The following CNTNAP2 variants were observed in gnomAD, a reference collection of about 807,000 sequenced individuals.
CNTNAP2 encodes contactin associated protein 2, also known as contactin-associated protein-like 2.
Under a neutral mutation model 155.2 loss-of-function variants are expected in CNTNAP2, and 98 were observed. That is an observed-to-expected ratio of 0.63 (90% CI 0.54 to 0.75). CNTNAP2 has a LOEUF of 0.75. Among genes scored for constraint, CNTNAP2 ranks in the 30% least tolerant of loss-of-function variants. The pLI is 0.00. For missense variants in CNTNAP2, 1,727 were observed against 1,688.1 expected, an observed-to-expected ratio of 1.02 and a Z score of -0.40; for synonymous variants, 651 against 631.2, an observed-to-expected ratio of 1.03 and a Z score of -0.47.
At chr7:147,209,087 C>G (rs1441967574) in intron 8 of CNTNAP2, among the ~76,000 whole-genome samples, 1 of 151,842 alleles carries the variant, frequency 6.6e-6, no homozygotes, top group East Asian at 1.9e-4. Context: ...TTATGGTTCC[C>G]TATTAATTTT....
intron 3 of CNTNAP2, among the ~76,000 whole-genome samples, chr7:146,993,640 G>A (rs1185933738): frequency 6.6e-6 from 1 of 152,088 alleles, no homozygotes; most frequent in African/African-American, 2.4e-5. Flanking sequence ...CCCCGCTCAA[G>A]CCTTGTTACT....
chr7:148,300,714 C>T (rs775908573), intron 21 of CNTNAP2, among the ~76,000 whole-genome samples: 1 of 152,040 alleles, frequency 6.6e-6, no homozygotes. Flanking sequence ...GTGGTCTATA[C>T]GTACAACATG....
intron 3 of CNTNAP2, among the ~76,000 whole-genome samples, chr7:146,944,673 T>G (rs1277422130): frequency 1.3e-5 from 2 of 152,056 alleles, no homozygotes; most frequent in African/African-American, 2.4e-5. Flanking sequence ...GGTCATGAGA[T>G]GGAGACCATC....
intron 21 of CNTNAP2, among the ~76,000 whole-genome samples, chr7:148,379,470 G>A (rs1048890899): frequency 5.9e-5 from 9 of 152,270 alleles, no homozygotes; most frequent in African/African-American, 1.2e-4. Context: ...CTGGGAGGCC[G>A]AGGTGGGTGG....
chr7:147,167,481 C>T, intron 8 of CNTNAP2: 2 of 988,902 alleles, frequency 2.0e-6, no homozygotes, highest in Non-Finnish European at 3.1e-6. Context: ...CCCTGCCCCA[C>T]TGGAGGTTGC....
intron 6 of CNTNAP2, among the ~76,000 whole-genome samples, chr7:147,125,521 A>G (rs1225240508): frequency 1.3e-5 from 2 of 152,150 alleles, no homozygotes; most frequent in Non-Finnish European, 1.5e-5. Flanking sequence ...GAGCAGCAAA[A>G]TGGTGTTTGG....
intron 21 of CNTNAP2, among the ~76,000 whole-genome samples, chr7:148,357,118 T>C (rs1294803024): frequency 6.6e-6 from 1 of 152,132 alleles, no homozygotes; most frequent in Non-Finnish European, 1.5e-5. Context: ...GCTCCCATAA[T>C]TCCCACATGT....
chr7:147,478,192 G>T (rs1217637154), intron 10 of CNTNAP2, among the ~76,000 whole-genome samples: 1 of 151,356 alleles, frequency 6.6e-6, no homozygotes, highest in East Asian at 1.9e-4. Flanking sequence ...TCGCTCTGTT[G>T]CCCAGGCTGG....
intron 1 of CNTNAP2, among the ~76,000 whole-genome samples, chr7:146,670,958 C>T (rs1039078279): frequency 3.9e-5 from 6 of 152,134 alleles, no homozygotes; most frequent in African/African-American, 1.2e-4. Flanking sequence ...TATACAGTTT[C>T]CACCTGTTCA....
At chr7:147,298,150 C>G (rs1364896298) in intron 8 of CNTNAP2, among the ~76,000 whole-genome samples, 1 of 152,008 alleles carries the variant, frequency 6.6e-6, no homozygotes, top group African/African-American at 2.4e-5. Flanking sequence ...GCTCAGTGGC[C>G]AGGCGCAGTG....
chr7:147,445,282 T>C (rs754929418), intron 10 of CNTNAP2, among the ~76,000 whole-genome samples: 3 of 152,234 alleles, frequency 2.0e-5, no homozygotes, highest in Non-Finnish European at 1.5e-5. Flanking sequence ...TCTTTTACTT[T>C]GGAATTTTAG....
At chr7:146,441,490 C>A (rs1241578192) in intron 1 of CNTNAP2, among the ~76,000 whole-genome samples, 1 of 151,498 alleles carries the variant, frequency 6.6e-6, no homozygotes, top group African/African-American at 2.5e-5. Context: ...AAGTGGCCCT[C>A]TCTGCTGCTG....
At chr7:147,416,413 A>C (rs1797194490) in intron 10 of CNTNAP2, among the ~76,000 whole-genome samples, 1 of 152,190 alleles carries the variant, frequency 6.6e-6, no homozygotes, top group Non-Finnish European at 1.5e-5. Context: ...TTGAGCCAAT[A>C]AAGTTCCTTT....
At position 148,053,769 on chromosome 7, in the gene CNTNAP2, G is replaced by A. The variant is rs776033362; in HGVS notation, c.2384-64349G>A. On this transcript the variant is annotated intron_variant, in intron 15 of 23. Transcript: ENST00000361727. ...TATGATTATGCTAGGATTATAGAACGAAAGGTAATAAGTTTTATGGATTGT... is the reference window on the plus strand; with the variant it reads ...TATGATTATGCTAGGATTATAGAACAAAAGGTAATAAGTTTTATGGATTGT... Among the ~76,000 whole-genome samples the A allele has an allele frequency of 1.6e-3, 239 of 152,214 alleles. 1 individual carries two copies. Among genetic ancestry groups the A allele is most frequent in the Non-Finnish European group, 1.7e-3 (115 of 68,004 alleles).
At chr7:146,935,336 G>C (rs2129224140) in intron 3 of CNTNAP2, among the ~76,000 whole-genome samples, 1 of 152,314 alleles carries the variant, frequency 6.6e-6, no homozygotes, top group East Asian at 1.9e-4. Context: ...TTGGCAGCCA[G>C]ACTTATATGT....
At chr7:146,745,763 TG>T (rs1231761549) in intron 1 of CNTNAP2, among the ~76,000 whole-genome samples, 11 of 124,120 alleles carry the variant, frequency 8.9e-5, no homozygotes, top group Non-Finnish European at 1.6e-4. Flanking sequence ...AGACTCCATC[TG>T]AAAAAAAAAA....
intron 1 of CNTNAP2, among the ~76,000 whole-genome samples, chr7:146,618,023 T>A (rs191598583): frequency 0.03 from 4,615 of 152,164 alleles, 131 homozygotes; most frequent in East Asian, 0.037. Flanking sequence ...GTTAATTTTT[T>A]AAAAAAAGTA....
chr7:148,235,511 A>G (rs1796027295), intron 20 of CNTNAP2, among the ~76,000 whole-genome samples: 1 of 152,132 alleles, frequency 6.6e-6, no homozygotes, highest in Non-Finnish European at 1.5e-5. Context: ...AGGACCTGCC[A>G]CTGCCACCAA....
chr7:146,839,616 C>G, intron 2 of CNTNAP2, 95 bp from the exon 3 acceptor site: 1 of 1,361,320 alleles, frequency 7.3e-7, no homozygotes, highest in Non-Finnish European at 1.0e-6. Context: ...AGAGCACTGC[C>G]AAGACCAATT....
Sources: gnomAD v4.1 joint callset for allele counts (sites outside exome capture counted in the v4.1 genomes callset) on GRCh38, gnomAD v4.1.1 for gene constraint, MANE v1.5 for transcripts, NCBI Gene and HGNC (gene_info 2026-07-23, HGNC 2026-07-21) for gene names.